WWOX: variants seen among roughly 807,000 people sequenced by gnomAD.
WWOX encodes WW domain containing oxidoreductase.
Under a neutral mutation model 46.2 loss-of-function variants are expected in WWOX, and 69 were observed. The observed-to-expected ratio is 1.49, with a 90% CI of 1.23 to 1.82. The LOEUF is 1.82. Ranked by LOEUF, WWOX falls within the 40% of genes most tolerant of loss-of-function variation. The pLI is 0.00. For missense variants in WWOX, 919 were observed against 542.6 expected, an observed-to-expected ratio of 1.69 and a Z score of -6.89; for synonymous variants, 359 against 202.6, an observed-to-expected ratio of 1.77 and a Z score of -6.56.
chr16:78,482,449 C>T (rs2084518519), intron 8 of WWOX, among the ~76,000 whole-genome samples: 2 of 152,154 alleles, frequency 1.3e-5, no homozygotes, highest in South Asian at 4.1e-4. Flanking sequence ...CCTCGAACTC[C>T]TCACTTCAGG....
intron 8 of WWOX, among the ~76,000 whole-genome samples, chr16:78,733,190 C>A (rs1033807559): frequency 2.0e-5 from 3 of 152,110 alleles, no homozygotes; most frequent in Non-Finnish European, 4.4e-5. Context: ...TTCTATAATA[C>A]TAAAGTAAAT....
intron 8 of WWOX, among the ~76,000 whole-genome samples, chr16:78,925,841 G>A (rs570650202): frequency 2.6e-5 from 4 of 152,264 alleles, no homozygotes; most frequent in East Asian, 3.9e-4. Context: ...CCTAGTTCTA[G>A]CCTACCAGGA....
rs559373274 is a variant in WWOX at position 78,953,471 on chromosome 16, GTA to G, written c.1057-258135_1057-258134del. Among the ~76,000 whole-genome samples, 923 of 96,186 alleles carry G rather than the reference GTA, an allele frequency of 9.6e-3. 4 individuals carry two copies. Among genetic ancestry groups the G allele is most frequent in the Middle Eastern group, 0.021 (3 of 140 alleles). 63.1% of individuals were successfully genotyped at this position (96,186 alleles called of 152,430 possible). On this transcript the variant is annotated intron_variant, in intron 8 of 8. Coordinates refer to ENST00000566780, the MANE Select transcript of WWOX (RefSeq NM_016373.4). Reference sequence around the variant, plus strand: ...CTTTAGGACCTCTGCCCCACTCTATGTATGCAGTTTAAATTGCTGATTTATGG... The same window carrying G: ...CTTTAGGACCTCTGCCCCACTCTATGTGCAGTTTAAATTGCTGATTTATGG...
chr16:79,092,667 A>G (rs2048987108), intron 8 of WWOX, among the ~76,000 whole-genome samples: 1 of 152,224 alleles, frequency 6.6e-6, no homozygotes, highest in Admixed American at 6.5e-5. Flanking sequence ...GTGAATTGTG[A>G]TGGAAACAGA....
intron 8 of WWOX, among the ~76,000 whole-genome samples, chr16:78,872,242 A>T (rs74032408): frequency 3.9e-5 from 6 of 152,336 alleles, no homozygotes; most frequent in East Asian, 1.9e-4. Context: ...TGAGATCTCT[A>T]TGAGAGCTCA....
intron 8 of WWOX, among the ~76,000 whole-genome samples, chr16:79,018,931 G>A (rs556236197): frequency 3.9e-5 from 6 of 151,904 alleles, no homozygotes; most frequent in African/African-American, 7.2e-5. Flanking sequence ...TGGGCGGATC[G>A]CTTGAGCTCA....
At chr16:78,819,293 G>A (rs1157127614) in intron 8 of WWOX, among the ~76,000 whole-genome samples, 1 of 152,142 alleles carries the variant, frequency 6.6e-6, no homozygotes, top group Non-Finnish European at 1.5e-5. Context: ...CAACTCCATA[G>A]ACAGGGCTTA....
At chr16:78,890,345 T>TTAAATTTGACCTCCATCATG (rs2044562714) in intron 8 of WWOX, 1 of 135,040 alleles carries the variant, frequency 7.4e-6, no homozygotes, top group African/African-American at 4.0e-5. Context: ...CCTCCATCAT[T>TTAAATTTGACCTCCATCATG]CTTAAATTTG....
intron 8 of WWOX, among the ~76,000 whole-genome samples, chr16:78,923,058 C>G (rs1201173956): frequency 6.7e-6 from 1 of 148,832 alleles, no homozygotes; most frequent in Non-Finnish European, 1.5e-5. Context: ...GTTGGTCCAC[C>G]TCAACCTCTG....
chr16:78,645,608 G>C (rs1878163067), intron 8 of WWOX, among the ~76,000 whole-genome samples: 1 of 152,132 alleles, frequency 6.6e-6, no homozygotes, highest in African/African-American at 2.4e-5. Context: ...GAGAAAGGGA[G>C]CAAGAGAGGG....
chr16:79,070,558 A>C (rs969341131), intron 8 of WWOX, among the ~76,000 whole-genome samples: 3 of 152,140 alleles, frequency 2.0e-5, no homozygotes, highest in Admixed American at 2.0e-4. Flanking sequence ...CTCCTTGGCA[A>C]TGAGTGAGGC....
At chr16:78,167,236 C>A (rs1388691860) in intron 5 of WWOX, 1 of 152,072 alleles carries the variant, frequency 6.6e-6, no homozygotes, top group Non-Finnish European at 1.5e-5. Flanking sequence ...CTGGACCTGC[C>A]CCAATTAGCG....
intron 6 of WWOX, among the ~76,000 whole-genome samples, chr16:78,396,756 C>G (rs1050338881): frequency 6.6e-6 from 1 of 152,216 alleles, no homozygotes. Flanking sequence ...ACAGTCTCTG[C>G]GGCAACCATT....
chr16:78,637,517 T>A (rs2046602957), intron 8 of WWOX, among the ~76,000 whole-genome samples: 1 of 152,152 alleles, frequency 6.6e-6, no homozygotes, highest in African/African-American at 2.4e-5. Flanking sequence ...TGGTCCACAG[T>A]GATGTAACTC....
intron 8 of WWOX, among the ~76,000 whole-genome samples, chr16:78,485,524 C>T (rs911976734): frequency 3.3e-4 from 50 of 152,224 alleles, no homozygotes; most frequent in Non-Finnish European, 6.3e-4. Context: ...ACCAACTCCC[C>T]TTTCAAACGT....
intron 8 of WWOX, among the ~76,000 whole-genome samples, chr16:78,587,893 G>C (rs571236201): frequency 1.3e-5 from 2 of 152,248 alleles, no homozygotes; most frequent in South Asian, 4.1e-4. Context: ...TCCTTTTTCT[G>C]CATGTTTACT....
At chr16:78,117,164 C>G (rs535387925) in intron 4 of WWOX, among the ~76,000 whole-genome samples, 1 of 152,196 alleles carries the variant, frequency 6.6e-6, no homozygotes, top group Admixed American at 6.5e-5. Flanking sequence ...CCACTTCCCC[C>G]TAAGACTCTT....
intron 8 of WWOX, among the ~76,000 whole-genome samples, chr16:79,119,402 A>G (rs1278321226): frequency 6.6e-6 from 1 of 152,216 alleles, no homozygotes; most frequent in Non-Finnish European, 1.5e-5. Context: ...TGTATTTTGG[A>G]GAAAGTTGCA....
At chr16:78,628,129 G>A (rs1175863916) in intron 8 of WWOX, among the ~76,000 whole-genome samples, 3 of 152,196 alleles carry the variant, frequency 2.0e-5, no homozygotes, top group Non-Finnish European at 4.4e-5. Flanking sequence ...TTCACACCGA[G>A]GATCTGCTTC....
Sources: gnomAD v4.1 joint callset for allele counts (sites outside exome capture counted in the v4.1 genomes callset) on GRCh38, gnomAD v4.1.1 for gene constraint, MANE v1.5 for transcripts, NCBI Gene and HGNC (gene_info 2026-07-23, HGNC 2026-07-21) for gene names.